The following ADCY7 variants were observed in gnomAD, a reference collection of about 807,000 sequenced individuals.
ADCY7 encodes adenylate cyclase 7.
Under a neutral mutation model 120.6 loss-of-function variants are expected in ADCY7, and 72 were observed. The ratio of observed to expected loss-of-function variants is 0.60; its 90% confidence interval spans 0.49 to 0.73. The LOEUF (loss-of-function observed/expected upper bound fraction) is 0.73, where lower values mean the gene tolerates loss of function less well. Ranked by LOEUF, ADCY7 falls within the 30% of genes least tolerant of loss-of-function variation. ADCY7 has a pLI of 0.00. For missense variants in ADCY7, 1,227 were observed against 1,486.0 expected, an observed-to-expected ratio of 0.83 and a Z score of 2.87; for synonymous variants, 661 against 628.0, an observed-to-expected ratio of 1.05 and a Z score of -0.78.
chr16:50,308,902 C>A, intron 17 of ADCY7, 110 bp downstream of exon 17: 1 of 1,366,042 alleles, frequency 7.3e-7, no homozygotes, highest in Non-Finnish European at 9.7e-7. Flanking sequence ...CTCCCCCGAG[C>A]TCAGCAGGTG....
chr16:50,291,875 C>T lies in ADCY7; in HGVS notation c.515C>T (p.Pro172Leu). The change falls in exon 4 of 26, where the codon CCC (proline) becomes CTC (leucine). Residue 172 changes from proline to leucine, a missense_variant. By Grantham distance (98) the Pro-to-Leu change is moderately conservative (BLOSUM62 -3). Coordinates refer to ENST00000673801, the MANE Select transcript of ADCY7 (RefSeq NM_001114.5). ...LGSLMGGFTT[P>L]SVRVGLQLLA... ...TCTTTGATGGGAGGCTTCACGACAC[C>T]CAGTGTCCGGGTGGGGCTGCAGGTG... is the stretch of plus-strand genomic sequence containing the variant. 6.2e-7 allele frequency: 1 copy of T among 1,612,934 alleles called. No homozygotes were observed. Among genetic ancestry groups the T allele is most frequent in the South Asian group, 1.1e-5 (1 of 90,968 alleles).
At chr16:50,270,746 C>T (rs1262162512) in intron 1 of ADCY7, among the ~76,000 whole-genome samples, 1 of 152,224 alleles carries the variant, frequency 6.6e-6, no homozygotes, top group Non-Finnish European at 1.5e-5. Flanking sequence ...TCCTCAGTTT[C>T]CTTATCTGTA....
chr16:50,284,315 C>T (rs1199115714), intron 1 of ADCY7, among the ~76,000 whole-genome samples: 3 of 152,216 alleles, frequency 2.0e-5, no homozygotes, highest in Non-Finnish European at 2.9e-5. Flanking sequence ...TGTCCACCTG[C>T]GCCTGCCTGC....
chr16:50,265,038 T>C (rs1475154654), upstream of ADCY7, among the ~76,000 whole-genome samples: 1 of 152,120 alleles, frequency 6.6e-6, no homozygotes, highest in African/African-American at 2.4e-5. Flanking sequence ...GATTTTGCCA[T>C]GTTAGCCAGG....
At chr16:50,308,938 C>T (rs2036266181) in intron 17 of ADCY7, 146 bp downstream of exon 17, 4 of 961,826 alleles carry the variant, frequency 4.2e-6, no homozygotes. Context: ...CCTTTGTACA[C>T]TCAGGGCTCC....
chr16:50,314,189 A>G, intron 23 of ADCY7, 103 bp from the exon 24 acceptor site: 2 of 1,416,628 alleles, frequency 1.4e-6, no homozygotes, highest in East Asian at 4.7e-5. Context: ...GGGCTCAGCC[A>G]GGATTTTAGT....
chr16:50,262,214 TG>T (rs2033077203), upstream of ADCY7, among the ~76,000 whole-genome samples: 2 of 151,788 alleles, frequency 1.3e-5, no homozygotes, highest in African/African-American at 4.8e-5. Flanking sequence ...CCCTAAACTC[TG>T]GGCCACATAT....
intron 1 of ADCY7, among the ~76,000 whole-genome samples, chr16:50,267,907 G>T (rs529007758): frequency 1.3e-5 from 2 of 152,194 alleles, no homozygotes; most frequent in African/African-American, 4.8e-5. Flanking sequence ...CACAGCCTTC[G>T]CTTCCCACCC....
intron 6 of ADCY7, among the ~76,000 whole-genome samples, chr16:50,293,730 A>T (rs1193260851): frequency 6.6e-6 from 1 of 152,178 alleles, no homozygotes; most frequent in African/African-American, 2.4e-5. Context: ...TTAGATTGGT[A>T]TTGAAAGATC....
At chr16:50,310,312 T>C (rs1371923203) in intron 18 of ADCY7, 8 of 722,072 alleles carry the variant, frequency 1.1e-5, no homozygotes, top group Non-Finnish European at 1.9e-5. Context: ...GTGGTCTTTA[T>C]TCTGGGGGCT....
At chr16:50,267,471 G>A (rs977374642) in intron 1 of ADCY7, among the ~76,000 whole-genome samples, 5 of 152,228 alleles carry the variant, frequency 3.3e-5, no homozygotes, top group South Asian at 2.1e-4. Context: ...GGGCCAGGCC[G>A]AGCCACCTAC....
At chr16:50,264,585 G>A (rs2150808328), upstream of ADCY7, among the ~76,000 whole-genome samples, 1 of 152,308 alleles carries the variant, frequency 6.6e-6, no homozygotes, top group South Asian at 2.1e-4. Flanking sequence ...CCCACTAGCA[G>A]TACATGAGAG....
chr16:50,277,216 G>T (rs532381902), intron 1 of ADCY7, among the ~76,000 whole-genome samples: 1 of 152,218 alleles, frequency 6.6e-6, no homozygotes, highest in South Asian at 2.1e-4. Flanking sequence ...TGACTGATAG[G>T]TATATTATTT....
intron 6 of ADCY7, among the ~76,000 whole-genome samples, chr16:50,293,983 G>A (rs756967451): frequency 2.6e-5 from 4 of 152,188 alleles, no homozygotes; most frequent in Non-Finnish European, 5.9e-5. Flanking sequence ...GCTGGGTGCC[G>A]TTGAGTGTAG....
Position 50,292,725 on chromosome 16 carries a change from T to G in ADCY7, c.587T>G (p.Phe196Cys). ...IFLCGNLTGA[F>C]HKHQMQDASR... ...CTGTGTGGGAACCTGACAGGCGCCT[T>G]CCACAAGCACCAAATGCAGGATGCA... is the stretch of plus-strand genomic sequence containing the variant. The change falls in exon 5 of 26, where the codon TTC becomes TGC. Residue 196 changes from phenylalanine to cysteine, a missense_variant. This residue lies in a region of ADCY7 where 382 missense variants were observed against 411.4 expected (regional missense o/e 0.93). Transcript: ENST00000673801. 1 of 1,613,966 alleles carries G rather than the reference T, an allele frequency of 6.2e-7. No individual in the cohort carries two copies. Among genetic ancestry groups the G allele is most frequent in the Non-Finnish European group, 8.5e-7 (1 of 1,179,978 alleles).
intron 21 of ADCY7, 43 bp downstream of exon 21, chr16:50,312,234 G>T (rs890535283): frequency 6.2e-7 from 1 of 1,607,198 alleles, no homozygotes; most frequent in Admixed American, 1.7e-5. Context: ...GAGGCGGACG[G>T]TCCAGGCGCA....
At chr16:50,289,191 TG>T in intron 2 of ADCY7, 1 of 322,424 alleles carries the variant, frequency 3.1e-6, no homozygotes, top group Non-Finnish European at 6.1e-6. Flanking sequence ...ATCCTCCTTT[TG>T]TTTTTTTTTT....
chr16:50,299,849 C>T (rs559544044), intron 8 of ADCY7, among the ~76,000 whole-genome samples: 20 of 152,230 alleles, frequency 1.3e-4, no homozygotes, highest in Middle Eastern at 3.4e-3. Context: ...CACGTGGTGC[C>T]GCTTGTCATG....
rs201146001 is a variant in ADCY7, at chr16:50,309,534, T to C, written c.2062-14T>C. Reference sequence around the variant, plus strand: ...TCTTGTCCCTGGACTGATGGGGACCTGTCTCCTCTACAGCCCCTGATGCCT... The same window carrying C: ...TCTTGTCCCTGGACTGATGGGGACCCGTCTCCTCTACAGCCCCTGATGCCT... On this transcript the variant is annotated splice_polypyrimidine_tract_variant and intron_variant, in intron 17 of 25. Transcript: ENST00000673801. 1.9e-6 allele frequency: 3 copies of C among 1,612,046 alleles called. No individual in the cohort carries two copies. The highest frequency in any genetic ancestry group is 2.2e-5 in the East Asian group (1 of 44,856).
Sources: allele counts gnomAD v4.1 joint callset (sites outside exome capture counted in the v4.1 genomes callset), GRCh38; gene constraint gnomAD v4.1.1; regional missense constraint gnomAD v4.1.1; transcripts MANE v1.5; gene names NCBI Gene and HGNC (gene_info 2026-07-23, HGNC 2026-07-21).